The following DPP6 variants were observed in gnomAD, a reference collection of about 807,000 sequenced individuals.
DPP6 encodes A-type potassium channel modulatory protein DPP6.
Under a neutral mutation model 122.6 loss-of-function variants are expected in DPP6, and 69 were observed. That is an observed-to-expected ratio of 0.56 (90% CI 0.46 to 0.69). DPP6 has a LOEUF of 0.69. DPP6 is among the 30% of genes least tolerant of loss of function. DPP6 has a pLI of 0.00. For missense variants in DPP6, 928 were observed against 1,116.9 expected (o/e 0.83, Z 2.41); for synonymous variants, 418 against 433.1 (o/e 0.97, Z 0.43).
intron 1 of DPP6, among the ~76,000 whole-genome samples, chr7:153,965,613 C>T (rs1408825738): frequency 3.9e-5 from 6 of 152,102 alleles, no homozygotes; most frequent in East Asian, 1.9e-4. Context: ...CCTGGGTTCA[C>T]GCCATTCTCC....
chr7:154,137,650 T>TGG (rs1419049474), intron 1 of DPP6, among the ~76,000 whole-genome samples: 60 of 10,044 alleles, frequency 6.0e-3, no homozygotes, highest in African/African-American at 0.01. Flanking sequence ...GTGGGGGGGG[T>TGG]GGGGGGGTGG....
chr7:154,336,682 G>C (rs79303979), intron 1 of DPP6, among the ~76,000 whole-genome samples: 154 of 152,332 alleles, frequency 1.0e-3, no homozygotes, highest in African/African-American at 3.6e-3. Flanking sequence ...AAACCCCACT[G>C]TGGGCACGTG....
chr7:154,153,317 C>T (rs1425097936), intron 1 of DPP6, among the ~76,000 whole-genome samples: 2 of 152,162 alleles, frequency 1.3e-5, no homozygotes, highest in African/African-American at 2.4e-5. Flanking sequence ...TCCTAAGTAG[C>T]AGGGATTACA....
chr7:154,352,564 C>T (rs1586027823), intron 1 of DPP6, among the ~76,000 whole-genome samples: 1 of 152,114 alleles, frequency 6.6e-6, no homozygotes, highest in South Asian at 2.1e-4. Context: ...TCTCAGCAAA[C>T]TAAAACAGGA....
chr7:154,079,819 C>T (rs996992076), intron 1 of DPP6, among the ~76,000 whole-genome samples: 5 of 151,834 alleles, frequency 3.3e-5, no homozygotes, highest in African/African-American at 4.8e-5. Context: ...ATTCTTGCCC[C>T]GCTCTGCTCT....
intron 1 of DPP6, among the ~76,000 whole-genome samples, chr7:154,409,583 G>A (rs956500706): frequency 1.3e-5 from 2 of 152,150 alleles, no homozygotes; most frequent in South Asian, 2.1e-4. Flanking sequence ...CAGCTTTGAC[G>A]TGGTCTCCCT....
chr7:153,870,162 G>A, the DPP6 span, among the ~76,000 whole-genome samples: 1 of 152,218 alleles, frequency 6.6e-6, no homozygotes, highest in Non-Finnish European at 1.5e-5. Context: ...CATCTTTGTG[G>A]TGTTCTCTGT....
At position 154,874,889 on chromosome 7, in the gene DPP6, G is replaced by A. The variant is rs1043680123; in HGVS notation, c.1884-1017G>A. On this transcript the variant is annotated intron_variant, in intron 19 of 25. Coordinates refer to ENST00000377770, the MANE Select transcript of DPP6 (RefSeq NM_130797.4). ...CCAGTCCTGCATAGAAAATGGCCCT[G>A]TTCCCAGCCTGGGCAACATAGCAAG... Among the ~76,000 whole-genome samples the A allele has an allele frequency of 2.6e-5, 4 of 152,342 alleles. No individual in the cohort carries two copies. The East Asian group carries it at 5.8e-4, about 22-fold the overall frequency.
At position 154,483,288 on chromosome 7, in the gene DPP6, A is replaced by G. The variant is rs1823482196; in HGVS notation, c.457+8251A>G. Among the ~76,000 whole-genome samples, 1 of 152,186 alleles carries G rather than the reference A, an allele frequency of 6.6e-6. No individual in the cohort carries two copies. Among genetic ancestry groups the G allele is most frequent in the Admixed American group, 6.5e-5 (1 of 15,286 alleles). On this transcript the variant is annotated intron_variant, in intron 3 of 25. Coordinates refer to ENST00000377770, the MANE Select transcript of DPP6 (RefSeq NM_130797.4). The surrounding 1 kb of genome is among the most constrained non-coding windows in gnomAD (Gnocchi z 8.1). ...GGCCACGCACCTCTTCCTGGCTCAC[A>G]GCCCCAGGGACGTGTTTGTGTAGAC...
chr7:153,994,822 G>A (rs1187929145), intron 1 of DPP6, among the ~76,000 whole-genome samples: 2 of 152,044 alleles, frequency 1.3e-5, no homozygotes, highest in African/African-American at 2.4e-5. Flanking sequence ...AAATTATGCT[G>A]TTCATAAAAT....
intron 1 of DPP6, among the ~76,000 whole-genome samples, chr7:153,888,585 G>A (rs189632977): frequency 3.9e-5 from 6 of 152,338 alleles, no homozygotes; most frequent in African/African-American, 1.4e-4. Flanking sequence ...GAGGACGAGA[G>A]AGTTGCCATC....
chr7:154,618,057 G>A lies in DPP6; in HGVS notation c.628-19764G>A, dbSNP rs1834383022. On this transcript the variant is annotated intron_variant, in intron 5 of 25. Transcript: ENST00000377770. The surrounding 1 kb of genome is among the most constrained non-coding windows in gnomAD (Gnocchi z 4.1). The stretch of plus-strand genomic sequence containing the variant: ...CTCTCTTGGTCTCTCCCACAATGCT[G>A]TCTGCTCACACAGGCTTTCCCCCTT... Among the ~76,000 whole-genome samples the A allele has an allele frequency of 6.6e-6, 1 of 152,128 alleles. No homozygotes were observed. Among genetic ancestry groups the A allele is most frequent in the Non-Finnish European group, 1.5e-5 (1 of 68,024 alleles).
intron 1 of DPP6, among the ~76,000 whole-genome samples, chr7:154,082,300 T>C (rs1485638771): frequency 6.6e-6 from 1 of 152,158 alleles, no homozygotes; most frequent in Non-Finnish European, 1.5e-5. Flanking sequence ...TCAGAGCCAT[T>C]GTATCATAGG....
intron 1 of DPP6, among the ~76,000 whole-genome samples, chr7:153,958,790 C>T (rs1320257884): frequency 1.3e-5 from 2 of 152,048 alleles, no homozygotes; most frequent in African/African-American, 4.8e-5. Context: ...GAACATCTGG[C>T]CTGTTTCCTG....
At chr7:154,473,974 T>C (rs545674708) in intron 2 of DPP6, among the ~76,000 whole-genome samples, 2 of 152,302 alleles carry the variant, frequency 1.3e-5, no homozygotes, top group South Asian at 2.1e-4. Context: ...ATTTAGCATC[T>C]TCTATTTAAG....
intron 16 of DPP6, among the ~76,000 whole-genome samples, chr7:154,836,489 C>T (rs772076460): frequency 1.3e-5 from 2 of 152,208 alleles, no homozygotes; most frequent in African/African-American, 2.4e-5. Flanking sequence ...AAAATTGTCA[C>T]TTGTGCGGCT....
rs533919465 is a variant in DPP6 at position 154,515,699 on chromosome 7, G to A, written c.458-24833G>A. On this transcript the variant is annotated intron_variant, in intron 3 of 25. Transcript: ENST00000377770. Reference sequence around the variant, plus strand: ...TCACCGTGTTAGCCAGGATGGTCTCGAAATCCTGACCTGATCCGCCCTCGT... The same window carrying A: ...TCACCGTGTTAGCCAGGATGGTCTCAAAATCCTGACCTGATCCGCCCTCGT... 8.5e-5 allele frequency among the ~76,000 whole-genome samples: 13 copies of A among 152,218 alleles called. No homozygotes were observed. In the East Asian group the frequency reaches 9.6e-4, roughly 11 times the overall value.
intron 1 of DPP6, among the ~76,000 whole-genome samples, chr7:154,004,935 A>G (rs1797850520): frequency 6.6e-6 from 1 of 152,108 alleles, no homozygotes; most frequent in Non-Finnish European, 1.5e-5. Context: ...AATAGTTGTT[A>G]ATGGTTTTAA....
At chr7:154,018,309 A>T in intron 1 of DPP6, among the ~76,000 whole-genome samples, 1 of 152,022 alleles carries the variant, frequency 6.6e-6, no homozygotes, top group East Asian at 1.9e-4. Context: ...TGATCTTGAG[A>T]TCAATAAGGG....
Sources: allele counts gnomAD v4.1 joint callset (sites outside exome capture counted in the v4.1 genomes callset), GRCh38; gene constraint gnomAD v4.1.1; non-coding constraint Gnocchi (gnomAD v3.1); transcripts MANE v1.5; gene names NCBI Gene and HGNC (gene_info 2026-07-23, HGNC 2026-07-21).